Variants in BRCC3 observed in about 807,000 individuals in gnomAD.
The protein encoded by BRCC3 is lys-63-specific deubiquitinase BRCC36.
A neutral mutation model predicts 28.0 loss-of-function variants in BRCC3; 15 were observed. That is an observed-to-expected ratio of 0.54 (90% CI 0.36 to 0.82). BRCC3 has a LOEUF of 0.82. Ranked by LOEUF, BRCC3 falls within the 40% of genes least tolerant of loss-of-function variation. The probability of loss-of-function intolerance (pLI) is 0.01; values close to 1 mark genes in which losing one functional copy is unlikely to be tolerated. For missense variants in BRCC3, 109 were observed against 225.9 expected (o/e 0.48, Z 3.32); for synonymous variants, 66 against 80.3 (o/e 0.82, Z 0.95).
chrX:155,083,478 C>T (rs1557294394), intron 5 of BRCC3, among the ~76,000 whole-genome samples: 1 of 111,974 alleles, frequency 8.9e-6, no homozygotes, highest in African/African-American at 3.3e-5. Context: ...CCTATTTTAT[C>T]TTTGCCTCCT....
chrX:155,087,688 A>G (rs984742300), intron 5 of BRCC3, among the ~76,000 whole-genome samples: 1 of 112,073 alleles, frequency 8.9e-6, no homozygotes, highest in Non-Finnish European at 1.9e-5. Flanking sequence ...CAACAGAGAC[A>G]GGAAGTTAGA....
chrX:155,118,427 C>A (rs1337219281), intron 9 of BRCC3, among the ~76,000 whole-genome samples: 1 of 111,257 alleles, frequency 9.0e-6, no homozygotes, highest in African/African-American at 3.3e-5. Flanking sequence ...AAGGGAACTG[C>A]GGAGGGTATT....
At chrX:155,097,674 T>TAAAATGGTACACCCACTGTGG (rs2074219396) in intron 7 of BRCC3, among the ~76,000 whole-genome samples, 2 of 112,485 alleles carry the variant, frequency 1.8e-5, no homozygotes, top group African/African-American at 6.5e-5. Flanking sequence ...GGTAGAAATG[T>TAAAATGGTACACCCACTGTGG]AAAATGGTAC....
rs1380312935 is a variant in BRCC3 at position 155,099,183 on chromosome X, ATGT to A, written c.548+8346_548+8348del. 10 of 628,074 alleles carry A rather than the reference ATGT, an allele frequency of 1.6e-5. No individual in the cohort carries two copies. The African/African-American group carries it at 2.1e-4, about 13-fold the overall frequency. 51.8% of individuals were successfully genotyped at this position (628,074 alleles called of 1,213,427 possible). On this transcript the variant is annotated intron_variant, in intron 7 of 10. Coordinates refer to ENST00000330045, the MANE Select transcript of BRCC3 (RefSeq NM_001018055.3). Reference sequence around the variant, plus strand: ...ATTTAAATAAGAAATAAAATTAGAAATGTTTTTTTTTTTTTTTTGTGGTAAAAG... The same window carrying A: ...ATTTAAATAAGAAATAAAATTAGAAATTTTTTTTTTTTTTTGTGGTAAAAG...
chrX:155,090,677 C>A (rs1027984762), intron 6 of BRCC3, 107 bp from the exon 7 acceptor site: 2 of 573,987 alleles, frequency 3.5e-6, no homozygotes, highest in Non-Finnish European at 5.7e-6. Context: ...CATATTCCAT[C>A]TTTGGTATCT....
chrX:155,095,451 C>T (rs2074203684), intron 7 of BRCC3, among the ~76,000 whole-genome samples: 1 of 110,658 alleles, frequency 9.0e-6, no homozygotes, highest in Non-Finnish European at 1.9e-5. Flanking sequence ...CAGGCGTGCA[C>T]CACCATGCCT....
At chrX:155,118,150 A>T (rs894121425) in intron 9 of BRCC3, among the ~76,000 whole-genome samples, 41 of 112,373 alleles carry the variant, frequency 3.6e-4, no homozygotes, top group African/African-American at 1.3e-3. Flanking sequence ...TATTCACAAT[A>T]GCCAAAAGGT....
intron 7 of BRCC3, among the ~76,000 whole-genome samples, chrX:155,109,540 A>T (rs781936984): frequency 9.8e-5 from 11 of 112,098 alleles, no homozygotes; most frequent in Non-Finnish European, 1.7e-4. Flanking sequence ...ATGTTATTGT[A>T]ATTGGTATCT....
At chrX:155,089,946 A>G (rs1446187873) in intron 6 of BRCC3, among the ~76,000 whole-genome samples, 1 of 112,008 alleles carries the variant, frequency 8.9e-6, no homozygotes, top group Non-Finnish European at 1.9e-5. Context: ...TAGACAAGAG[A>G]TGATGGAGGT....
chrX:155,100,429 T>G (rs1030143637), intron 7 of BRCC3, among the ~76,000 whole-genome samples: 5 of 112,608 alleles, frequency 4.4e-5, no homozygotes, highest in Non-Finnish European at 9.4e-5. Flanking sequence ...TGCACGTAAT[T>G]GTCTTGGCTG....
At chrX:155,085,373 C>T (rs1298792946) in intron 5 of BRCC3, among the ~76,000 whole-genome samples, 1 of 112,439 alleles carries the variant, frequency 8.9e-6, no homozygotes, top group Non-Finnish European at 1.9e-5. Flanking sequence ...TGTGTAATTG[C>T]CCACAAAGGG....
intron 5 of BRCC3, among the ~76,000 whole-genome samples, chrX:155,082,261 C>T (rs1352683052): frequency 1.8e-5 from 2 of 111,972 alleles, no homozygotes; most frequent in Non-Finnish European, 3.8e-5. Context: ...TACATGTACA[C>T]AGGATAAAGT....
intron 5 of BRCC3, among the ~76,000 whole-genome samples, chrX:155,080,329 C>T (rs2074076005): frequency 9.0e-6 from 1 of 110,579 alleles, no homozygotes; most frequent in Non-Finnish European, 1.9e-5. Context: ...AGCAGAGCAC[C>T]CAGAAAATTT....
chrX:155,088,468 C>T (rs1216815598), intron 5 of BRCC3, among the ~76,000 whole-genome samples: 1 of 108,810 alleles, frequency 9.2e-6, no homozygotes, highest in East Asian at 2.9e-4. Flanking sequence ...ATTCTCCAGC[C>T]TCAGCCTCCC....
At chrX:155,089,242 T>C in intron 5 of BRCC3, 21 bp from the exon 6 acceptor site, 2 of 1,117,287 alleles carry the variant, frequency 1.8e-6, no homozygotes, top group Non-Finnish European at 2.4e-6. Flanking sequence ...AGAAGATTTT[T>C]AAATTTTCAT....
chrX:155,111,857 G>A (rs1557298184), intron 7 of BRCC3, among the ~76,000 whole-genome samples: 2 of 111,835 alleles, frequency 1.8e-5, no homozygotes, highest in African/African-American at 6.5e-5. Flanking sequence ...ATTACAAAAA[G>A]CAGTCTCCCC....
At chrX:155,082,305 G>C (rs782672137) in intron 5 of BRCC3, among the ~76,000 whole-genome samples, 1 of 112,240 alleles carries the variant, frequency 8.9e-6, no homozygotes, top group African/African-American at 3.2e-5. Context: ...AGTTGAGATA[G>C]AAGAACTTGA....
intron 5 of BRCC3, chrX:155,079,073 C>T (rs150506380): frequency 0.02 from 2,510 of 126,829 alleles, 30 homozygotes; most frequent in Non-Finnish European, 0.031. Flanking sequence ...ACATCTTTAC[C>T]CTTCTAATCA....
chrX:155,083,727 A>G (rs1392117136), intron 5 of BRCC3, among the ~76,000 whole-genome samples: 6 of 112,684 alleles, frequency 5.3e-5, no homozygotes, highest in African/African-American at 1.9e-4. Context: ...TTTGGCTTCT[A>G]TTAAAGTGGA....
Sources: gnomAD v4.1 joint callset for allele counts (sites outside exome capture counted in the v4.1 genomes callset) on GRCh38, gnomAD v4.1.1 for gene constraint, MANE v1.5 for transcripts, NCBI Gene and HGNC (gene_info 2026-07-23, HGNC 2026-07-21) for gene names.